The following LETM1 variants were observed in gnomAD, a reference collection of about 807,000 sequenced individuals.
LETM1 encodes the protein leucine zipper and EF-hand containing transmembrane protein 1.
In LETM1, 50 loss-of-function variants were observed where a neutral mutation model predicts 74.5. The observed-to-expected ratio is 0.67, with a 90% confidence interval of 0.53 to 0.85. The LOEUF (loss-of-function observed/expected upper bound fraction) is 0.85, where lower values mean the gene tolerates loss of function less well. Among genes scored for constraint, LETM1 ranks in the 40% least tolerant of loss-of-function variants. LETM1 has a pLI of 0.00. For missense variants in LETM1, 824 were observed against 967.8 expected, an observed-to-expected ratio of 0.85 and a Z score of 1.97; for synonymous variants, 446 against 407.1, an observed-to-expected ratio of 1.10 and a Z score of -1.15.
intron 6 of LETM1, among the ~76,000 whole-genome samples, chr4:1,828,012 CAA>C (rs2108842232): frequency 1.4e-5 from 2 of 143,110 alleles, no homozygotes; most frequent in African/African-American, 5.8e-5. Context: ...AGGCGCCCCC[CAA>C]CCCGGACGGG....
At chr4:1,853,498 A>G (rs1713139189) in intron 1 of LETM1, among the ~76,000 whole-genome samples, 1 of 152,166 alleles carries the variant, frequency 6.6e-6, no homozygotes, top group Admixed American at 6.5e-5. Context: ...TCCCAGCTTA[A>G]TTATGAGGAA....
chr4:1,854,621 A>C (rs1438202794), intron 1 of LETM1, among the ~76,000 whole-genome samples: 2 of 151,816 alleles, frequency 1.3e-5, no homozygotes, highest in Non-Finnish European at 2.9e-5. Flanking sequence ...CGGAGAAAAC[A>C]GTCTCTACTA....
Position 1,811,656 on chromosome 4 carries a change from CAG to C in LETM1, c.*2766_*2767del, listed in dbSNP as rs1722473887. ...CACCGGGACCCACTGCGAACAAAGA[CAG>C]AGCCGGCTCCCCAGCACGCTCCTGC... On this transcript the variant is annotated 3_prime_UTR_variant, in exon 14 of 14. Coordinates refer to ENST00000302787, the MANE Select transcript of LETM1 (RefSeq NM_012318.3). 1.3e-5 allele frequency: 2 copies of C among 152,338 alleles called. No individual in the cohort carries two copies. The highest frequency in any genetic ancestry group is 4.8e-5 in the African/African-American group (2 of 41,444). 9.4% of individuals were successfully genotyped at this position (152,338 alleles called of 1,614,324 possible). A position where few individuals can be genotyped will look rare whatever the true frequency, so the allele number is the denominator to read the frequency against.
chr4:1,853,381 A>G (rs1392467710), intron 1 of LETM1, among the ~76,000 whole-genome samples: 1 of 152,262 alleles, frequency 6.6e-6, no homozygotes, highest in Non-Finnish European at 1.5e-5. Flanking sequence ...CAGCCTACTG[A>G]TCAAGGTCAA....
chr4:1,849,510 C>T (rs1307956834), intron 1 of LETM1, among the ~76,000 whole-genome samples: 2 of 152,128 alleles, frequency 1.3e-5, no homozygotes, highest in Non-Finnish European at 2.9e-5. Context: ...TCAGGTGATC[C>T]GCCCGCCTTG....
chr4:1,841,238 G>T, intron 3 of LETM1, 109 bp downstream of exon 3: 1 of 958,960 alleles, frequency 1.0e-6, no homozygotes, highest in East Asian at 2.6e-5. Context: ...CCAGATACTC[G>T]GGAGGCTGAG....
intron 9 of LETM1, chr4:1,822,674 C>T: frequency 2.9e-6 from 1 of 350,484 alleles, no homozygotes; most frequent in Non-Finnish European, 5.1e-6. Context: ...GAGCCTGCAG[C>T]TCCTCTGCCA....
intron 4 of LETM1, among the ~76,000 whole-genome samples, chr4:1,835,388 G>A (rs1007095440): frequency 1.3e-5 from 2 of 151,950 alleles, no homozygotes; most frequent in African/African-American, 2.4e-5. Flanking sequence ...ACAGTGAGCT[G>A]AGATTGCACC....
At chr4:1,830,520 TG>T (rs1245997022) in intron 6 of LETM1, among the ~76,000 whole-genome samples, 1 of 151,944 alleles carries the variant, frequency 6.6e-6, no homozygotes, top group Admixed American at 6.6e-5. Context: ...TTTGTAGAGG[TG>T]GGGGGTCTCA....
intron 6 of LETM1, among the ~76,000 whole-genome samples, chr4:1,832,510 A>G (rs186386855): frequency 4.9e-4 from 74 of 152,258 alleles, no homozygotes; most frequent in Middle Eastern, 3.4e-3. Context: ...ACAACTAAGC[A>G]AGTTATTATA....
intron 1 of LETM1, among the ~76,000 whole-genome samples, chr4:1,850,207 G>GT (rs1431173366): frequency 1.3e-5 from 2 of 152,120 alleles, no homozygotes; most frequent in African/African-American, 4.8e-5. Context: ...AGAAACCTCT[G>GT]TAAGTTTCTG....
intron 4 of LETM1, among the ~76,000 whole-genome samples, chr4:1,835,440 C>CA (rs890900641): frequency 3.4e-3 from 481 of 141,402 alleles, no homozygotes; most frequent in African/African-American, 7.8e-3. Context: ...AACTCCGTCT[C>CA]AAAAAAAAAA....
chr4:1,849,182 C>T lies in LETM1; in HGVS notation c.110G>A (p.Ser37Asn), dbSNP rs1560509053. The T allele has an allele frequency of 6.2e-7, 1 of 1,613,464 alleles. No homozygotes were observed. ...RGSPGDPAHL[S>N]CASTLGLRNC... ...CCTCAACCCCAGGGTGCTGGCACAG[C>T]TGAGATGAGCAGGATCCCCTGGACT... The change falls in exon 2 of 14, where the codon AGC becomes AAC. Residue 37 changes from serine to asparagine, a missense_variant. Ser to Asn is a conservative substitution (Grantham distance 46). This residue lies in a region of LETM1 where 222 missense variants were observed against 195.6 expected (regional missense o/e 1.14). Coordinates refer to ENST00000302787, the MANE Select transcript of LETM1 (RefSeq NM_012318.3).
Position 1,819,479 on chromosome 4 carries a change from T to A in LETM1, c.1609-7A>T, listed in dbSNP as rs766878666. 6.2e-7 allele frequency: 1 copy of A among 1,609,422 alleles called. No homozygotes were observed. ...CCTTCGTGATCTCTTCCTCCTGGGA[T>A]AAAAATGGGCAAACAACAAAGCCTG... On this transcript the variant is annotated splice_polypyrimidine_tract_variant and splice_region_variant and intron_variant, in intron 10 of 13. Coordinates refer to ENST00000302787, the MANE Select transcript of LETM1 (RefSeq NM_012318.3).
At chr4:1,824,098 G>A (rs574891759) in intron 7 of LETM1, among the ~76,000 whole-genome samples, 16 of 152,114 alleles carry the variant, frequency 1.1e-4, no homozygotes, top group African/African-American at 2.2e-4. Flanking sequence ...CGAGGTGGGC[G>A]GATCACCTGA....
At chr4:1,830,520 T>TG (rs1245997022) in intron 6 of LETM1, among the ~76,000 whole-genome samples, 3 of 151,944 alleles carry the variant, frequency 2.0e-5, no homozygotes, top group East Asian at 1.9e-4. Context: ...TTTGTAGAGG[T>TG]GGGGGGTCTC....
intron 1 of LETM1, among the ~76,000 whole-genome samples, chr4:1,852,718 C>T (rs1713107702): frequency 6.6e-6 from 1 of 152,146 alleles, no homozygotes; most frequent in Admixed American, 6.5e-5. Context: ...GGAGTTAAGC[C>T]TGAGCAACAG....
rs1316910058 is a variant in LETM1 at position 1,813,552 on chromosome 4, A to G, written c.*872T>C. Reference sequence around the variant, plus strand: ...CCTCATTGACTAGCCTGCTTGCTGAAGGAGCCCAGGGGCCTGAGCCTGCAA... The same window carrying G: ...CCTCATTGACTAGCCTGCTTGCTGAGGGAGCCCAGGGGCCTGAGCCTGCAA... On this transcript the variant is annotated 3_prime_UTR_variant, in exon 14 of 14. Coordinates refer to ENST00000302787, the MANE Select transcript of LETM1 (RefSeq NM_012318.3). 6.6e-6 allele frequency: 1 copy of G among 152,478 alleles called. No homozygotes were observed. Among genetic ancestry groups the G allele is most frequent in the African/African-American group, 2.4e-5 (1 of 41,458 alleles). The allele number at this position is 152,478 out of a possible 1,614,324, so 9.4% of individuals were successfully genotyped here.
chr4:1,814,065 G>C lies in LETM1; in HGVS notation c.*359C>G. The C allele has an allele frequency of 3.5e-6, 1 of 283,726 alleles. No homozygotes were observed. The highest frequency in any genetic ancestry group is 6.8e-6 in the Non-Finnish European group (1 of 146,012). 17.6% of individuals were successfully genotyped at this position (283,726 alleles called of 1,614,324 possible). A position where few individuals can be genotyped will look rare whatever the true frequency, so the allele number is the denominator to read the frequency against. The stretch of plus-strand genomic sequence containing the variant: ...CCAGCTCTGTGTGGGCGGAGTCCAC[G>C]TGGTCCTCATTCTCTTCCCTGGGGA... On this transcript the variant is annotated 3_prime_UTR_variant, in exon 14 of 14. Coordinates refer to ENST00000302787, the MANE Select transcript of LETM1 (RefSeq NM_012318.3).
Sources: gnomAD v4.1 joint callset for allele counts (sites outside exome capture counted in the v4.1 genomes callset) on GRCh38, gnomAD v4.1.1 for gene constraint, gnomAD v4.1.1 regional missense constraint, MANE v1.5 for transcripts, NCBI Gene and HGNC (gene_info 2026-07-23, HGNC 2026-07-21) for gene names.